Variants in COMMD6 observed in about 807,000 individuals in gnomAD.
The protein encoded by COMMD6 is COMM domain containing 6, also known as COMM domain-containing protein 6.
In COMMD6, 11 loss-of-function variants were observed where a neutral mutation model predicts 13.4. That is an observed-to-expected ratio of 0.82 (90% CI 0.52 to 1.36). COMMD6 has a LOEUF of 1.36. COMMD6 is among the 40% of genes most tolerant of loss of function. COMMD6 has a pLI of 0.00. For missense variants in COMMD6, 124 were observed against 102.4 expected, an observed-to-expected ratio of 1.21 and a Z score of -0.91; for synonymous variants, 43 against 36.5, an observed-to-expected ratio of 1.18 and a Z score of -0.64.
At chr13:75,538,423 T>C (rs2030758105), upstream of COMMD6, among the ~76,000 whole-genome samples, 1 of 152,218 alleles carries the variant, frequency 6.6e-6, no homozygotes, top group Admixed American at 6.5e-5. Flanking sequence ...TGATGTTTTT[T>C]CCCCGCCAAC....
upstream of COMMD6, among the ~76,000 whole-genome samples, chr13:75,540,892 C>G (rs574539080): frequency 7.2e-5 from 11 of 152,080 alleles, no homozygotes; most frequent in Non-Finnish European, 1.3e-4. Context: ...ATGTAAAAAA[C>G]GAAATTGGTA....
chr13:75,545,105 G>A (rs1224348873), intron 1 of COMMD6, among the ~76,000 whole-genome samples: 1 of 152,212 alleles, frequency 6.6e-6, no homozygotes, highest in Non-Finnish European at 1.5e-5. Context: ...CCACGTTTAG[G>A]AATGATAGTT....
At chr13:75,536,785 T>C (rs1464583795) in intron 2 of COMMD6, among the ~76,000 whole-genome samples, 3 of 152,188 alleles carry the variant, frequency 2.0e-5, no homozygotes, top group Non-Finnish European at 4.4e-5. Context: ...CAAAAAGAGT[T>C]CAACTTTAAA....
intron 3 of COMMD6, among the ~76,000 whole-genome samples, chr13:75,529,538 A>G (rs1267411739): frequency 6.6e-6 from 1 of 150,560 alleles, no homozygotes; most frequent in East Asian, 1.9e-4. Context: ...AAAAAAAAAA[A>G]AAAAAAAAAG....
intron 3 of COMMD6, among the ~76,000 whole-genome samples, chr13:75,527,099 TTC>T (rs1453267304): frequency 2.6e-5 from 4 of 152,206 alleles, no homozygotes; most frequent in Non-Finnish European, 5.9e-5. Context: ...AGAAGTTTAT[TTC>T]TCTGTCATTT....
intron 2 of COMMD6, among the ~76,000 whole-genome samples, chr13:75,532,226 G>A (rs1207819147): frequency 2.0e-5 from 3 of 152,140 alleles, no homozygotes; most frequent in Non-Finnish European, 2.9e-5. Context: ...ACGAGTGTTC[G>A]CTTTTAGATA....
At chr13:75,541,959 C>A (rs1258518887), upstream of COMMD6, among the ~76,000 whole-genome samples, 1 of 151,920 alleles carries the variant, frequency 6.6e-6, no homozygotes. Flanking sequence ...AATACATATG[C>A]CATAGTAAAC....
upstream of COMMD6, chr13:75,549,439 T>G (rs1465163630): frequency 2.8e-5 from 7 of 253,290 alleles, no homozygotes; most frequent in Admixed American, 5.4e-5. Context: ...ACTGCAAGAA[T>G]GGGAAGGTGC....
intron 3 of COMMD6, chr13:75,527,877 T>A: frequency 6.7e-7 from 1 of 1,499,886 alleles, no homozygotes. Flanking sequence ...GAAATGTTAG[T>A]AAAAAGGTAC....
At position 75,545,690 on chromosome 13, in the gene COMMD6, C is replaced by G. The variant is rs1384323061; in HGVS notation, n.106+3633G>C. ...GTTTCACCATGTTAGCCAGGATGGT[C>G]TAGATCTCCTGACCTCATGATCTGC... On this transcript the variant is annotated intron_variant and non_coding_transcript_variant, in intron 1 of 2. Coordinates refer to the COMMD6 transcript ENST00000460675. Among the ~76,000 whole-genome samples, 7 of 152,208 alleles carry G rather than the reference C, an allele frequency of 4.6e-5. No homozygotes were observed. The East Asian group carries it at 9.7e-4, about 21-fold the overall frequency.
intron 2 of COMMD6, among the ~76,000 whole-genome samples, chr13:75,535,359 A>T (rs530142432): frequency 6.6e-6 from 1 of 152,316 alleles, no homozygotes; most frequent in Admixed American, 6.5e-5. Context: ...TAGCGGAGAT[A>T]CCTGGTCTAA....
chr13:75,532,929 TTTTG>T (rs2030534914), intron 2 of COMMD6, among the ~76,000 whole-genome samples: 2 of 151,142 alleles, frequency 1.3e-5, no homozygotes, highest in South Asian at 2.1e-4. Context: ...AAAGTTTTTG[TTTTG>T]TTTTTTTTTT....
Position 75,530,242 on chromosome 13 carries a change from C to A in COMMD6, c.79G>T (p.Gly27Cys). ...CAAGTGTCTGAGCTCACAGCCATAC[C>A]CAGTTTCCACTGAAAATCTACAAGC... ...NQLVDFQWKL[G>C]MAVSSDTCRS... The change falls in exon 3 of 4, where the codon GGT becomes TGT. Residue 27 changes from glycine to cysteine, a missense_variant. Gly to Cys is a radical substitution (Grantham distance 159). Coordinates refer to ENST00000682242, the MANE Select transcript of COMMD6 (RefSeq NM_203495.4). 1 of 1,611,018 alleles carries A rather than the reference C, an allele frequency of 6.2e-7. No individual in the cohort carries two copies. The highest frequency in any genetic ancestry group is 8.5e-7 in the Non-Finnish European group (1 of 1,178,896).
At chr13:75,537,291 C>T in intron 2 of COMMD6, 2 of 1,534,036 alleles carry the variant, frequency 1.3e-6, no homozygotes, top group East Asian at 2.4e-5. Flanking sequence ...TGCTATACTC[C>T]ATCTTCAAAA....
At chr13:75,542,353 G>T (rs936039953), upstream of COMMD6, among the ~76,000 whole-genome samples, 1 of 148,880 alleles carries the variant, frequency 6.7e-6, no homozygotes, top group African/African-American at 2.5e-5. Flanking sequence ...GCAATGGTGC[G>T]TTCTCAGCTT....
At chr13:75,528,323 CA>C (rs199808603) in intron 3 of COMMD6, among the ~76,000 whole-genome samples, 3,693 of 151,868 alleles carry the variant, frequency 0.024, 47 homozygotes, top group Middle Eastern at 0.027. Context: ...CTGTGAATTA[CA>C]AAAAAGACCA....
chr13:75,542,151 A>G (rs2030834315), upstream of COMMD6, among the ~76,000 whole-genome samples: 1 of 152,190 alleles, frequency 6.6e-6, no homozygotes, highest in Non-Finnish European at 1.5e-5. Flanking sequence ...TTTTTGTGTA[A>G]GGGTGCAATG....
At position 75,527,908 on chromosome 13, in the gene COMMD6, A is replaced by G. The variant is rs2030319935; in HGVS notation, c.208-1269T>C. On this transcript the variant is annotated intron_variant, in intron 3 of 3. Transcript: ENST00000682242. ...GGTACAAACTTTTGGTTACAAAATG[A>G]GTAAGTCTGAGATCTAATGTACAAT... 2.1e-6 allele frequency: 3 copies of G among 1,446,522 alleles called. No individual in the cohort carries two copies. The Admixed American group carries it at 7.4e-5, about 36-fold the overall frequency. The allele number at this position is 1,446,522 out of a possible 1,614,324, so 89.6% of individuals were successfully genotyped here. A position where few individuals can be genotyped will look rare whatever the true frequency, so the allele number is the denominator to read the frequency against.
intron 3 of COMMD6, among the ~76,000 whole-genome samples, chr13:75,528,122 ATG>A (rs1486932154): frequency 1.3e-5 from 2 of 151,988 alleles, no homozygotes; most frequent in East Asian, 3.9e-4. Flanking sequence ...TCTTTACACA[ATG>A]TATATCTTTT....
Sources: allele counts gnomAD v4.1 joint callset (sites outside exome capture counted in the v4.1 genomes callset), GRCh38; gene constraint gnomAD v4.1.1; transcripts MANE v1.5; gene names NCBI Gene and HGNC (gene_info 2026-07-23, HGNC 2026-07-21).